The following CTNNA3 variants were observed in gnomAD, a reference collection of about 807,000 sequenced individuals.
The protein encoded by CTNNA3 is catenin alpha-3.
In CTNNA3, 76 loss-of-function variants were observed where a neutral mutation model predicts 95.7. That is an observed-to-expected ratio of 0.79 (90% CI 0.66 to 0.96). CTNNA3 has a LOEUF of 0.96. CTNNA3 is among the 40% of genes least tolerant of loss of function. CTNNA3 has a pLI of 0.00. For missense variants in CTNNA3, 1,191 were observed against 1,089.8 expected, an observed-to-expected ratio of 1.09 and a Z score of -1.31; for synonymous variants, 431 against 374.4, an observed-to-expected ratio of 1.15 and a Z score of -1.74.
intron 10 of CTNNA3, among the ~76,000 whole-genome samples, chr10:66,592,199 G>T (rs1319426062): frequency 1.3e-5 from 2 of 151,964 alleles, no homozygotes; most frequent in Admixed American, 6.6e-5. Context: ...TAGATATCTG[G>T]TTTTTCAACA....
intron 11 of CTNNA3, among the ~76,000 whole-genome samples, chr10:66,420,600 A>C (rs1191990797): frequency 6.6e-6 from 1 of 151,932 alleles, no homozygotes; most frequent in Non-Finnish European, 1.5e-5. Context: ...GGAGATTGAG[A>C]CCACCCTGGC....
chr10:66,024,794 G>C (rs1379381883), intron 15 of CTNNA3, among the ~76,000 whole-genome samples: 7 of 152,116 alleles, frequency 4.6e-5, no homozygotes, highest in Admixed American at 4.6e-4. Context: ...CAAGTTGCAC[G>C]AGTAAATAAA....
intron 12 of CTNNA3, among the ~76,000 whole-genome samples, chr10:66,294,848 G>A (rs1244142828): frequency 1.3e-5 from 2 of 151,722 alleles, no homozygotes; most frequent in South Asian, 2.1e-4. Flanking sequence ...TGAGTTTCAG[G>A]TAAGTTTCAA....
intron 7 of CTNNA3, among the ~76,000 whole-genome samples, chr10:67,103,917 CAAT>C (rs958420830): frequency 1.9e-4 from 29 of 151,610 alleles, no homozygotes; most frequent in African/African-American, 5.8e-4. Context: ...ACAACAACAA[CAAT>C]ATTTTCTTGA....
chr10:66,543,936 T>G (rs1477369292), intron 10 of CTNNA3, among the ~76,000 whole-genome samples: 1 of 145,124 alleles, frequency 6.9e-6, no homozygotes, highest in Admixed American at 6.9e-5. Flanking sequence ...TATATATATA[T>G]ATATATATAT....
chr10:67,039,044 G>A (rs549974331), intron 7 of CTNNA3, among the ~76,000 whole-genome samples: 2 of 152,148 alleles, frequency 1.3e-5, no homozygotes, highest in African/African-American at 4.8e-5. Flanking sequence ...ACTTGAGGTT[G>A]CTATATCAGC....
chr10:67,494,038 A>C (rs1470227421), intron 5 of CTNNA3, among the ~76,000 whole-genome samples: 7 of 152,244 alleles, frequency 4.6e-5, no homozygotes, highest in Admixed American at 6.5e-5. Context: ...TGGGATTCAG[A>C]ATACAGGATT....
At chr10:66,698,516 G>A (rs1847840758) in intron 9 of CTNNA3, among the ~76,000 whole-genome samples, 2 of 152,184 alleles carry the variant, frequency 1.3e-5, no homozygotes, top group Non-Finnish European at 2.9e-5. Context: ...ATTTCATATG[G>A]TTGTGGAGTG....
At chr10:66,443,851 A>C (rs1009745592) in intron 11 of CTNNA3, among the ~76,000 whole-genome samples, 14 of 152,214 alleles carry the variant, frequency 9.2e-5, no homozygotes, top group Non-Finnish European at 5.9e-5. Flanking sequence ...TGAGAGAAGA[A>C]GGCTTCAGAC....
intron 13 of CTNNA3, among the ~76,000 whole-genome samples, chr10:66,186,760 C>T (rs574531579): frequency 2.6e-5 from 4 of 152,114 alleles, no homozygotes; most frequent in East Asian, 3.9e-4. Context: ...AATTTGGTGT[C>T]GTTGTGGGCA....
chr10:66,066,318 A>G (rs1431983914), intron 15 of CTNNA3, among the ~76,000 whole-genome samples: 1 of 152,192 alleles, frequency 6.6e-6, no homozygotes, highest in Non-Finnish European at 1.5e-5. Flanking sequence ...AAACATAATC[A>G]TTATTTAAAC....
intron 2 of CTNNA3, among the ~76,000 whole-genome samples, chr10:67,622,126 A>G (rs1311866327): frequency 6.6e-6 from 1 of 152,186 alleles, no homozygotes; most frequent in African/African-American, 2.4e-5. Context: ...TGAAGGGTAG[A>G]GTCAGACCTT....
At chr10:67,016,710 A>G (rs1589607951) in intron 7 of CTNNA3, among the ~76,000 whole-genome samples, 1 of 152,328 alleles carries the variant, frequency 6.6e-6, no homozygotes, top group East Asian at 1.9e-4. Flanking sequence ...GGGTTTGATT[A>G]TCTATTTCAA....
At chr10:67,275,301 G>C (rs1839145296) in intron 5 of CTNNA3, among the ~76,000 whole-genome samples, 2 of 152,148 alleles carry the variant, frequency 1.3e-5, no homozygotes, top group Admixed American at 6.6e-5. Context: ...ATAAGTGGTG[G>C]AGCTCAGCTG....
chr10:66,294,228 G>A (rs749981651), intron 12 of CTNNA3, among the ~76,000 whole-genome samples: 16 of 152,114 alleles, frequency 1.1e-4, no homozygotes, highest in Non-Finnish European at 2.1e-4. Context: ...GTTGGAAATA[G>A]AGTTTTATCA....
chr10:66,190,645 C>G (rs531879652), intron 13 of CTNNA3, among the ~76,000 whole-genome samples: 3 of 152,106 alleles, frequency 2.0e-5, no homozygotes, highest in Non-Finnish European at 4.4e-5. Flanking sequence ...TTCTGTCTTT[C>G]CTTGTCCCTT....
intron 1 of CTNNA3, among the ~76,000 whole-genome samples, chr10:67,745,456 C>A (rs1039232094): frequency 1.5e-5 from 2 of 132,246 alleles, no homozygotes; most frequent in African/African-American, 2.9e-5. Context: ...GGGAATTGAA[C>A]AATGAGAACA....
intron 7 of CTNNA3, among the ~76,000 whole-genome samples, chr10:67,019,847 G>T (rs1403160577): frequency 6.6e-6 from 1 of 152,144 alleles, no homozygotes; most frequent in African/African-American, 2.4e-5. Context: ...GAACAAATCT[G>T]TTCCTCTTCC....
At chr10:66,059,754 A>G (rs1411328373) in intron 15 of CTNNA3, among the ~76,000 whole-genome samples, 3 of 152,128 alleles carry the variant, frequency 2.0e-5, no homozygotes, top group African/African-American at 7.2e-5. Flanking sequence ...AAAAATCTGT[A>G]TAAATTTAGT....
Sources: gnomAD v4.1 joint callset for allele counts (sites outside exome capture counted in the v4.1 genomes callset) on GRCh38, gnomAD v4.1.1 for gene constraint, MANE v1.5 for transcripts, NCBI Gene and HGNC (gene_info 2026-07-23, HGNC 2026-07-21) for gene names.